Variants in CDH13 observed in about 807,000 individuals in gnomAD.
CDH13 encodes cadherin-13.
CDH13 carries 24 observed loss-of-function variants against 63.8 expected under a neutral mutation model. That is an observed-to-expected ratio of 0.38 (90% CI 0.27 to 0.53). The LOEUF is 0.53. CDH13 is among the 20% of genes least tolerant of loss of function. The probability of loss-of-function intolerance (pLI) is 0.85; values close to 1 mark genes in which losing one functional copy is unlikely to be tolerated. For synonymous variants in CDH13, 503 were observed against 355.3 expected (o/e 1.42, Z -4.67); for missense variants, 1,049 against 903.1 (o/e 1.16, Z -2.07).
intron 4 of CDH13, among the ~76,000 whole-genome samples, chr16:83,159,286 C>T (rs191997173): frequency 6.6e-6 from 1 of 152,244 alleles, no homozygotes; most frequent in African/African-American, 2.4e-5. Flanking sequence ...AAATTTATTC[C>T]TAGCTTTTAA....
intron 2 of CDH13, among the ~76,000 whole-genome samples, chr16:83,014,319 T>TTA (rs1447024587): frequency 1.5e-5 from 1 of 67,708 alleles, no homozygotes; most frequent in African/African-American, 4.3e-5. Context: ...CCCAAATCGA[T>TTA]AAAAAAAAAA....
intron 1 of CDH13, among the ~76,000 whole-genome samples, chr16:82,833,994 T>G (rs574134825): frequency 6.6e-6 from 1 of 152,356 alleles, no homozygotes; most frequent in East Asian, 1.9e-4. Flanking sequence ...CCCAATCAGG[T>G]TAGTCACTGG....
At chr16:83,632,535 G>A (rs927379636) in intron 8 of CDH13, among the ~76,000 whole-genome samples, 1 of 151,770 alleles carries the variant, frequency 6.6e-6, no homozygotes, top group Non-Finnish European at 1.5e-5. Context: ...GAAGCTGAGG[G>A]TTAGAGAGCT....
chr16:83,024,285 T>A (rs1452941702), intron 2 of CDH13, among the ~76,000 whole-genome samples: 1 of 152,230 alleles, frequency 6.6e-6, no homozygotes, highest in Non-Finnish European at 1.5e-5. Flanking sequence ...TATTTTAATA[T>A]TTATTTGAAA....
At chr16:83,420,361 G>T (rs1342475313) in intron 6 of CDH13, among the ~76,000 whole-genome samples, 1 of 152,160 alleles carries the variant, frequency 6.6e-6, no homozygotes, top group Non-Finnish European at 1.5e-5. Flanking sequence ...CTCAAGCAGC[G>T]TTCAGACACA....
intron 3 of CDH13, among the ~76,000 whole-genome samples, chr16:83,053,172 A>G (rs1324158240): frequency 3.3e-5 from 5 of 152,250 alleles, no homozygotes; most frequent in African/African-American, 7.2e-5. Context: ...CATCTAATAA[A>G]GTGAGAATGA....
chr16:83,579,070 T>A (rs1905298862), intron 7 of CDH13, among the ~76,000 whole-genome samples: 1 of 152,262 alleles, frequency 6.6e-6, no homozygotes, highest in Non-Finnish European at 1.5e-5. Flanking sequence ...AATTCCCATG[T>A]TTAAAGACAG....
chr16:83,032,036 G>A lies in CDH13; in HGVS notation c.184G>A (p.Asp62Asn), dbSNP rs549329150. ...GACCTTCAGTGACTGTAAGGGAAAC[G>A]ACAAGCTACGCTATGAGGTCTCGAG... Reference protein sequence around the residue: ...NLTFSDCKGNDKLRYEVSSPY... With the variant: ...NLTFSDCKGNNKLRYEVSSPY... Residue 62 changes from aspartate (D) to asparagine (N), a missense_variant, in exon 3 of 14, where the codon GAC (aspartate) becomes AAC (asparagine). Transcript: ENST00000567109. The A allele has an allele frequency of 3.7e-5, 60 of 1,600,856 alleles. 2 individuals carry two copies. The South Asian group carries it at 6.0e-4, about 16-fold the overall frequency.
Position 82,864,203 on chromosome 16 carries a change from G to A in CDH13, c.157+5730G>A, listed in dbSNP as rs569305207. On this transcript the variant is annotated intron_variant, in intron 2 of 13. Coordinates refer to ENST00000567109, the MANE Select transcript of CDH13 (RefSeq NM_001257.5). ...TACTTTTCTGAAGTTTTAATATGTCGTTGTTTCTGAAGAGGCAGGGGTATT... is the reference window on the plus strand; with the variant it reads ...TACTTTTCTGAAGTTTTAATATGTCATTGTTTCTGAAGAGGCAGGGGTATT... Among the ~76,000 whole-genome samples the A allele has an allele frequency of 7.2e-5, 11 of 152,220 alleles. No individual in the cohort carries two copies. In the East Asian group the frequency reaches 1.2e-3, roughly 16 times the overall value.
intron 8 of CDH13, among the ~76,000 whole-genome samples, chr16:83,605,871 A>G (rs1423386840): frequency 6.6e-6 from 1 of 152,236 alleles, no homozygotes; most frequent in East Asian, 1.9e-4. Context: ...TTAGGACCCT[A>G]GAGTTCTAGG....
intron 6 of CDH13, among the ~76,000 whole-genome samples, chr16:83,370,332 GAGC>G (rs2091341994): frequency 6.7e-6 from 1 of 149,908 alleles, no homozygotes; most frequent in African/African-American, 2.5e-5. Flanking sequence ...AGCTTGCAGT[GAGC>G]CAAGGCTGCG....
chr16:83,400,166 A>T (rs541874656), intron 6 of CDH13, among the ~76,000 whole-genome samples: 1 of 151,996 alleles, frequency 6.6e-6, no homozygotes, highest in East Asian at 1.9e-4. Flanking sequence ...GATATTAGAG[A>T]AAACTTAGAG....
chr16:82,658,030 G>A (rs1567596939), intron 1 of CDH13, among the ~76,000 whole-genome samples: 1 of 152,196 alleles, frequency 6.6e-6, no homozygotes, highest in Non-Finnish European at 1.5e-5. Flanking sequence ...ACCATGAAGT[G>A]TGATGTTAGT....
At chr16:83,744,982 C>T (rs796854256) in intron 10 of CDH13, among the ~76,000 whole-genome samples, 74 of 152,292 alleles carry the variant, frequency 4.9e-4, no homozygotes, top group African/African-American at 1.7e-3. Flanking sequence ...CAACCATGCC[C>T]CATATTAGCC....
At chr16:83,373,229 A>C (rs974408018) in intron 6 of CDH13, among the ~76,000 whole-genome samples, 4 of 152,182 alleles carry the variant, frequency 2.6e-5, no homozygotes, top group African/African-American at 4.8e-5. Flanking sequence ...TTGTAGGAGG[A>C]CCTATTTTTA....
intron 2 of CDH13, among the ~76,000 whole-genome samples, chr16:82,975,047 C>G (rs541338649): frequency 6.6e-6 from 1 of 152,198 alleles, no homozygotes; most frequent in Non-Finnish European, 1.5e-5. Context: ...TCTGCACACC[C>G]TCGGCATCAC....
chr16:83,718,946 G>C (rs1429137623), intron 10 of CDH13, among the ~76,000 whole-genome samples: 1 of 152,180 alleles, frequency 6.6e-6, no homozygotes, highest in African/African-American at 2.4e-5. Context: ...CATTCAGCCT[G>C]CTGCATAGAT....
chr16:83,608,556 G>A (rs1424581002), intron 8 of CDH13, among the ~76,000 whole-genome samples: 1 of 152,032 alleles, frequency 6.6e-6, no homozygotes, highest in East Asian at 1.9e-4. Context: ...CATAGTTTCG[G>A]CTCACTGCAA....
chr16:83,125,318 T>A, intron 3 of CDH13, 67 bp from the exon 4 acceptor site: 1 of 859,962 alleles, frequency 1.2e-6, no homozygotes, highest in South Asian at 1.5e-5. Context: ...AGGAACTCTA[T>A]CTCGGAGCAG....
Sources: allele counts gnomAD v4.1 joint callset (sites outside exome capture counted in the v4.1 genomes callset), GRCh38; gene constraint gnomAD v4.1.1; transcripts MANE v1.5; gene names NCBI Gene and HGNC (gene_info 2026-07-23, HGNC 2026-07-21).